The following ZMYM4 variants were observed in gnomAD, a reference collection of about 807,000 sequenced individuals.
ZMYM4 encodes the protein zinc finger MYM-type containing 4.
A neutral mutation model predicts 183.2 loss-of-function variants in ZMYM4; 31 were observed. The ratio of observed to expected loss-of-function variants is 0.17; its 90% CI spans 0.13 to 0.23. The LOEUF (loss-of-function observed/expected upper bound fraction) is 0.23, where lower values mean the gene tolerates loss of function less well. Among genes scored for constraint, ZMYM4 ranks in the 10% least tolerant of loss-of-function variants. The pLI is 1.00. For missense variants in ZMYM4, 1,273 were observed against 1,840.3 expected, an observed-to-expected ratio of 0.69 and a Z score of 5.64; for synonymous variants, 592 against 631.2, an observed-to-expected ratio of 0.94 and a Z score of 0.93.
chr1:35,352,388 A>G lies in ZMYM4; in HGVS notation c.86-6537A>G, dbSNP rs74362546. Among the ~76,000 whole-genome samples the G allele has an allele frequency of 7.9e-3, 831 of 104,690 alleles. 10 individuals are homozygous for G. In the East Asian group the frequency reaches 0.13, roughly 17 times the overall value. The allele number at this position is 104,690 out of a possible 152,430, so 68.7% of individuals were successfully genotyped here. A position where few individuals can be genotyped will look rare whatever the true frequency, so the allele number is the denominator to read the frequency against. On this transcript the variant is annotated intron_variant, in intron 2 of 29. Transcript: ENST00000314607. ...CTACTAATAATTTAAAAATTAGCGC[A>G]CACACACACACACACACACACACAC...
At chr1:35,417,162 A>G (rs1468935480) in intron 28 of ZMYM4, among the ~76,000 whole-genome samples, 1 of 151,600 alleles carries the variant, frequency 6.6e-6, no homozygotes, top group South Asian at 2.1e-4. Context: ...GCTTGACCCC[A>G]GGAGTTTGAG....
chr1:35,361,434 G>T (rs181966684), intron 4 of ZMYM4, among the ~76,000 whole-genome samples, 179 bp downstream of exon 4: 2 of 151,922 alleles, frequency 1.3e-5, no homozygotes, highest in Non-Finnish European at 2.9e-5. Flanking sequence ...AAATCTTAGG[G>T]TCTTTATTTG....
chr1:35,282,065 C>A (rs1417168901), intron 1 of ZMYM4, among the ~76,000 whole-genome samples: 1 of 152,150 alleles, frequency 6.6e-6, no homozygotes, highest in African/African-American at 2.4e-5. Flanking sequence ...TCAATAGACA[C>A]CTTTTGGCTA....
intron 2 of ZMYM4, among the ~76,000 whole-genome samples, chr1:35,342,833 G>A (rs1643252788): frequency 6.6e-6 from 1 of 151,916 alleles, no homozygotes; most frequent in Admixed American, 6.6e-5. Context: ...ACCACGCCCA[G>A]CTACTTTTTT....
chr1:35,355,209 T>TC (rs1366905924), intron 2 of ZMYM4, among the ~76,000 whole-genome samples: 1 of 133,880 alleles, frequency 7.5e-6, no homozygotes, highest in Non-Finnish European at 1.5e-5. Context: ...TCTTTTTTTT[T>TC]TTTTTTTTTT....
Position 35,282,980 on chromosome 1 carries a change from G to GTTTTTTTTTTTTTTTTTT in ZMYM4, c.39+13914_39+13931dup, listed in dbSNP as rs775211352. 1.9e-4 allele frequency among the ~76,000 whole-genome samples: 5 copies of GTTTTTTTTTTTTTTTTTT among 26,260 alleles called. 2 individuals are homozygous for GTTTTTTTTTTTTTTTTTT. Among genetic ancestry groups the GTTTTTTTTTTTTTTTTTT allele is most frequent in the Non-Finnish European group, 3.5e-4 (3 of 8,634 alleles). The allele number at this position is 26,260 out of a possible 152,430, so 17.2% of individuals were successfully genotyped here. Reference sequence around the variant, plus strand: ...ATACTTGTTGTTTTCTGTGTGTGTGGTTTTTTTTTTTTTTTTTTTTTTTTT... The same window carrying GTTTTTTTTTTTTTTTTTT: ...ATACTTGTTGTTTTCTGTGTGTGTGGTTTTTTTTTTTTTTTTTTTTTTTTTTTTTTTTTTTTTTTTTTT... On this transcript the variant is annotated intron_variant, in intron 1 of 29. Coordinates refer to ENST00000314607, the MANE Select transcript of ZMYM4 (RefSeq NM_005095.3).
chr1:35,359,397 C>G lies in ZMYM4; in HGVS notation c.558C>G (p.Pro186=). The change falls in exon 3 of 30, where the codon CCC becomes CCG. Residue 186 remains proline, a synonymous_variant. Transcript: ENST00000314607. The part of the protein sequence containing the change: ...TYEREKRLDK[P]HKDLDSRLKS... ...AACGTGAAAAACGGTTGGATAAACC[C>G]CATAAAGATTTGGATTCAAGGTTGA... The G allele has an allele frequency of 6.3e-7, 1 of 1,580,724 alleles. No homozygotes were observed. Among genetic ancestry groups the G allele is most frequent in the Non-Finnish European group, 8.5e-7 (1 of 1,170,886 alleles).
chr1:35,375,211 G>A (rs1171544988), intron 7 of ZMYM4, among the ~76,000 whole-genome samples: 1 of 151,714 alleles, frequency 6.6e-6, no homozygotes, highest in Non-Finnish European at 1.5e-5. Flanking sequence ...TTCAACCATT[G>A]TCAATCTTGT....
intron 1 of ZMYM4, among the ~76,000 whole-genome samples, chr1:35,288,607 A>T (rs1329460547): frequency 6.6e-6 from 1 of 152,192 alleles, no homozygotes; most frequent in African/African-American, 2.4e-5. Context: ...AACAGACTTT[A>T]TTAAAAACTT....
At chr1:35,326,228 A>G (rs1197166379) in intron 2 of ZMYM4, among the ~76,000 whole-genome samples, 3 of 152,240 alleles carry the variant, frequency 2.0e-5, no homozygotes, top group Non-Finnish European at 4.4e-5. Flanking sequence ...CAAAAACACC[A>G]TCAAACTTCT....
chr1:35,268,973 G>T lies in ZMYM4; in HGVS notation c.-74G>T. On this transcript the variant is annotated 5_prime_UTR_variant, in exon 1 of 30. Transcript: ENST00000314607. ...GCGAGGCGGCCGTGCCTGCAGTGTG[G>T]GCGGGGGCCGGGGGGCCGAGAGGTA... The T allele has an allele frequency of 6.8e-7, 1 of 1,469,382 alleles. No homozygotes were observed. The highest frequency in any genetic ancestry group is 9.0e-7 in the Non-Finnish European group (1 of 1,107,902). The allele number at this position is 1,469,382 out of a possible 1,614,324, so 91.0% of individuals were successfully genotyped here.
chr1:35,308,597 C>T (rs1415152382), intron 1 of ZMYM4, among the ~76,000 whole-genome samples: 11 of 152,098 alleles, frequency 7.2e-5, no homozygotes, highest in Non-Finnish European at 1.5e-4. Flanking sequence ...TGGTGGTTCA[C>T]GGCTGTAATC....
chr1:35,396,171 A>G (rs1462219806), intron 18 of ZMYM4, among the ~76,000 whole-genome samples: 1 of 152,174 alleles, frequency 6.6e-6, no homozygotes, highest in Non-Finnish European at 1.5e-5. Context: ...AATCTTCAGT[A>G]GCTACAAATG....
intron 7 of ZMYM4, among the ~76,000 whole-genome samples, chr1:35,377,079 G>GT (rs1644351336): frequency 6.6e-6 from 1 of 151,806 alleles, no homozygotes; most frequent in Non-Finnish European, 1.5e-5. Context: ...GCTAATTTTT[G>GT]TATTTATAGT....
At chr1:35,336,588 A>G (rs984483933) in intron 2 of ZMYM4, among the ~76,000 whole-genome samples, 2 of 151,906 alleles carry the variant, frequency 1.3e-5, no homozygotes, top group Non-Finnish European at 2.9e-5. Context: ...TATTTTTAGT[A>G]GAGACAGGAC....
At chr1:35,390,442 C>T (rs974242810) in intron 15 of ZMYM4, among the ~76,000 whole-genome samples, 10 of 150,352 alleles carry the variant, frequency 6.7e-5, no homozygotes, top group African/African-American at 2.0e-4. Context: ...CTCTGGCGAG[C>T]AGGAGTGGGG....
chr1:35,386,637 A>G (rs1256808036), intron 11 of ZMYM4, among the ~76,000 whole-genome samples: 1 of 152,176 alleles, frequency 6.6e-6, no homozygotes, highest in Non-Finnish European at 1.5e-5. Context: ...CACATTTATT[A>G]GGTGTTTGCT....
intron 1 of ZMYM4, among the ~76,000 whole-genome samples, chr1:35,270,307 G>C (rs907577454): frequency 6.6e-6 from 1 of 152,142 alleles, no homozygotes; most frequent in African/African-American, 2.4e-5. Flanking sequence ...TCTTTAATCT[G>C]TGTTTCTCTC....
At chr1:35,291,988 C>T (rs760670793) in intron 1 of ZMYM4, among the ~76,000 whole-genome samples, 11 of 152,032 alleles carry the variant, frequency 7.2e-5, no homozygotes, top group Non-Finnish European at 1.0e-4. Flanking sequence ...GCTTTGATAC[C>T]ATAGTGTTTT....
Sources: gnomAD v4.1 joint callset for allele counts (sites outside exome capture counted in the v4.1 genomes callset) on GRCh38, gnomAD v4.1.1 for gene constraint, MANE v1.5 for transcripts, NCBI Gene and HGNC (gene_info 2026-07-23, HGNC 2026-07-21) for gene names.